Variants in CREBBP observed in about 807,000 individuals in gnomAD.
CREBBP encodes CREB binding lysine acetyltransferase.
CREBBP carries 19 observed loss-of-function variants against 265.0 expected under a neutral mutation model. The observed-to-expected ratio is 0.07, with a 90% confidence interval of 0.05 to 0.11. CREBBP has a LOEUF of 0.11. CREBBP is among the 10% of genes least tolerant of loss of function. CREBBP has a pLI of 1.00. For synonymous variants in CREBBP, 1,457 were observed against 1,223.7 expected, an observed-to-expected ratio of 1.19 and a Z score of -3.98; for missense variants, 2,525 against 3,219.0, an observed-to-expected ratio of 0.78 and a Z score of 5.22.
chr16:3,773,989 A>C (rs2053078062), intron 12 of CREBBP, 59 bp from the exon 13 acceptor site: 2 of 1,580,844 alleles, frequency 1.3e-6, no homozygotes, highest in Non-Finnish European at 8.7e-7. Context: ...CAGAGTTTTC[A>C]AGGTGAGCCA....
chr16:3,863,593 T>C (rs1315226730), intron 1 of CREBBP, among the ~76,000 whole-genome samples: 3 of 151,974 alleles, frequency 2.0e-5, no homozygotes, highest in Admixed American at 2.0e-4. Flanking sequence ...CAGAGCAAGA[T>C]TCTGTCTCAA....
chr16:3,762,818 A>G (rs367664680), intron 16 of CREBBP, among the ~76,000 whole-genome samples: 2 of 150,654 alleles, frequency 1.3e-5, no homozygotes, highest in South Asian at 2.1e-4. Flanking sequence ...TCTGTCGCCC[A>G]GGCTGGAGTG....
chr16:3,751,655 A>G (rs888043233), intron 20 of CREBBP, 71 bp downstream of exon 20: 10 of 1,460,576 alleles, frequency 6.8e-6, no homozygotes, highest in African/African-American at 1.4e-5. Flanking sequence ...CCTTATAGTC[A>G]TTGGTAAGAG....
At chr16:3,804,035 GACT>G (rs954200550) in intron 3 of CREBBP, among the ~76,000 whole-genome samples, 2 of 151,562 alleles carry the variant, frequency 1.3e-5, no homozygotes, top group African/African-American at 2.4e-5. Flanking sequence ...GTGAGCTGAA[GACT>G]ACACCACTGC....
rs2054952244 is a variant in CREBBP, at chr16:3,855,907, C to T, written c.86-4898G>A. Among the ~76,000 whole-genome samples, 5 of 152,176 alleles carry T rather than the reference C, an allele frequency of 3.3e-5. No individual in the cohort carries two copies. In the South Asian group the frequency reaches 1.0e-3, roughly 32 times the overall value. On this transcript the variant is annotated intron_variant, in intron 1 of 30. Coordinates refer to ENST00000262367, the MANE Select transcript of CREBBP (RefSeq NM_004380.3). ...TGTTTGTTGCCCTCCAGGCTTTGTC[C>T]ACCTGCACACACAAATTTACTCGGT...
chr16:3,845,722 CA>C (rs1187507337), intron 2 of CREBBP, among the ~76,000 whole-genome samples: 1 of 151,414 alleles, frequency 6.6e-6, no homozygotes, highest in African/African-American at 2.4e-5. Context: ...CCCGTCTCCA[CA>C]AAAAAATACA....
At chr16:3,826,915 T>A (rs969675557) in intron 2 of CREBBP, among the ~76,000 whole-genome samples, 1 of 152,132 alleles carries the variant, frequency 6.6e-6, no homozygotes, top group African/African-American at 2.4e-5. Flanking sequence ...AGGCTAACAA[T>A]AGGAAGTGCG....
At chr16:3,868,469 A>T (rs1379474962) in intron 1 of CREBBP, among the ~76,000 whole-genome samples, 1 of 128,918 alleles carries the variant, frequency 7.8e-6, no homozygotes, top group Non-Finnish European at 1.8e-5. Context: ...AGACTTCTGG[A>T]AAATAAATCA....
chr16:3,860,931 A>G (rs2055059747), intron 1 of CREBBP, among the ~76,000 whole-genome samples: 1 of 152,120 alleles, frequency 6.6e-6, no homozygotes, highest in Non-Finnish European at 1.5e-5. Context: ...TTCAGATCAC[A>G]GCTGTCACCA....
At chr16:3,768,010 A>T in intron 15 of CREBBP, 101 bp from the exon 16 acceptor site, 1 of 1,074,520 alleles carries the variant, frequency 9.3e-7, no homozygotes. Flanking sequence ...GTTTGTTAAA[A>T]CCTTCCTCTA....
At chr16:3,804,566 G>C (rs372471158) in intron 3 of CREBBP, among the ~76,000 whole-genome samples, 1 of 152,180 alleles carries the variant, frequency 6.6e-6, no homozygotes, top group Non-Finnish European at 1.5e-5. Flanking sequence ...TGCTAGCTAC[G>C]ACTGACCTCA....
chr16:3,832,146 C>T (rs971170142), intron 2 of CREBBP, among the ~76,000 whole-genome samples: 6 of 152,000 alleles, frequency 3.9e-5, no homozygotes, highest in Non-Finnish European at 8.8e-5. Context: ...ATTTGAATAG[C>T]TAATACCTAT....
chr16:3,843,876 C>T (rs1267578836), intron 2 of CREBBP, among the ~76,000 whole-genome samples: 2 of 151,826 alleles, frequency 1.3e-5, no homozygotes, highest in Non-Finnish European at 1.5e-5. Context: ...CGGCCGGGCG[C>T]GGTGGCTCAC....
chr16:3,855,575 T>C (rs540147628), intron 1 of CREBBP, among the ~76,000 whole-genome samples: 2 of 152,290 alleles, frequency 1.3e-5, no homozygotes, highest in African/African-American at 4.8e-5. Flanking sequence ...ATAACTGACA[T>C]TTTTGAAGAA....
chr16:3,817,080 A>G (rs17199009), intron 2 of CREBBP, among the ~76,000 whole-genome samples: 8,444 of 152,294 alleles, frequency 0.055, 266 homozygotes, highest in Middle Eastern at 0.12. Context: ...CATGCTGAAA[A>G]GTCGGGCAGA....
Position 3,816,599 on chromosome 16 carries a change from G to C in CREBBP, c.799-5820C>G, listed in dbSNP as rs369958128. Among the ~76,000 whole-genome samples the C allele has an allele frequency of 5.9e-5, 9 of 152,294 alleles. No homozygotes were observed. The South Asian group carries it at 1.2e-3, about 21-fold the overall frequency. On this transcript the variant is annotated intron_variant, in intron 2 of 30. Coordinates refer to ENST00000262367, the MANE Select transcript of CREBBP (RefSeq NM_004380.3). ...GTCTGGCAAGTAGGTGAGTGACCAT[G>C]ATCAACAAAGAGGAGGGAAAAGGCA...
intron 11 of CREBBP, among the ~76,000 whole-genome samples, chr16:3,775,013 C>T (rs2053103432): frequency 1.3e-5 from 2 of 152,044 alleles, no homozygotes; most frequent in Non-Finnish European, 1.5e-5. Context: ...AGCCAGAGGG[C>T]ACAGTACCAA....
chr16:3,851,305 T>TTAAAAAAAAAAAAAAAAAAAAAAAAAA (rs2054830949), intron 1 of CREBBP, among the ~76,000 whole-genome samples: 1 of 68,992 alleles, frequency 1.4e-5, no homozygotes, highest in African/African-American at 6.7e-5. Context: ...AAAAAAAAAA[T>TTAAAAAAAAAAAAAAAAAAAAAAAAAA]TAAAAAAAAA....
chr16:3,774,845 G>A (rs1391010867), intron 11 of CREBBP, 152 bp from the exon 12 acceptor site: 3 of 1,044,568 alleles, frequency 2.9e-6, no homozygotes, highest in Non-Finnish European at 4.3e-6. Context: ...TGAAGATGAT[G>A]AAGGAACAGA....
Sources: allele counts gnomAD v4.1 joint callset (sites outside exome capture counted in the v4.1 genomes callset), GRCh38; gene constraint gnomAD v4.1.1; transcripts MANE v1.5; gene names NCBI Gene and HGNC (gene_info 2026-07-23, HGNC 2026-07-21).